ACCSL: variants seen among roughly 807,000 people sequenced by gnomAD.
ACCSL encodes 1-aminocyclopropane-1-carboxylate synthase homolog (inactive) like.
ACCSL carries 55 observed loss-of-function variants against 61.7 expected under a neutral mutation model. The ratio of observed to expected loss-of-function variants is 0.89; its 90% confidence interval spans 0.72 to 1.12. The LOEUF is 1.12. Ranked by LOEUF, ACCSL falls within the 50% of genes most tolerant of loss-of-function variation. The pLI is 0.00. For missense variants in ACCSL, 632 were observed against 698.0 expected, an observed-to-expected ratio of 0.91 and a Z score of 1.07; for synonymous variants, 258 against 264.3, an observed-to-expected ratio of 0.98 and a Z score of 0.23.
chr11:44,005,914 G>A, the ACCSL span, among the ~76,000 whole-genome samples: 1 of 152,200 alleles, frequency 6.6e-6, no homozygotes, highest in African/African-American at 2.4e-5. Context: ...GGACCCAGGT[G>A]TAAACTCCAA....
At chr11:43,989,733 A>T in the ACCSL span, among the ~76,000 whole-genome samples, 1 of 152,156 alleles carries the variant, frequency 6.6e-6, no homozygotes, top group African/African-American at 2.4e-5. Context: ...GAGCTGTCCC[A>T]CCACATCCAG....
the ACCSL span, among the ~76,000 whole-genome samples, chr11:43,927,503 G>A: frequency 1.3e-5 from 2 of 152,236 alleles, no homozygotes; most frequent in African/African-American, 4.8e-5. Context: ...CCTCACAGCA[G>A]CCCATAGACT....
At chr11:43,986,282 C>T in the ACCSL span, among the ~76,000 whole-genome samples, 1 of 151,938 alleles carries the variant, frequency 6.6e-6, no homozygotes, top group Non-Finnish European at 1.5e-5. Context: ...TGTCTCCCTG[C>T]TGTCTTTTTC....
At chr11:43,991,910 C>A in the ACCSL span, among the ~76,000 whole-genome samples, 1 of 152,004 alleles carries the variant, frequency 6.6e-6, no homozygotes, top group Non-Finnish European at 1.5e-5. Flanking sequence ...ACAATTTGGT[C>A]CCTTCATATC....
At chr11:43,972,072 A>G in the ACCSL span, among the ~76,000 whole-genome samples, 2 of 152,214 alleles carry the variant, frequency 1.3e-5, no homozygotes, top group Admixed American at 1.3e-4. Context: ...GGTCTACCTG[A>G]CATACAATGG....
At chr11:44,018,697 C>T in the ACCSL span, among the ~76,000 whole-genome samples, 2 of 152,120 alleles carry the variant, frequency 1.3e-5, no homozygotes, top group East Asian at 3.9e-4. Flanking sequence ...TAAAATTCAC[C>T]TTTTTCATGC....
chr11:44,051,631 G>C, intron 4 of ACCSL, 22 bp from the exon 5 acceptor site: 1 of 1,614,102 alleles, frequency 6.2e-7, no homozygotes, highest in South Asian at 1.1e-5. Context: ...TTTGACTTCT[G>C]CCTCTCATGT....
chr11:43,930,833 GCACA>G, the ACCSL span, among the ~76,000 whole-genome samples: 3 of 151,910 alleles, frequency 2.0e-5, no homozygotes, highest in Non-Finnish European at 2.9e-5. Context: ...ATGCACACAC[GCACA>G]CACACTAAAA....
chr11:43,958,283 G>A, the ACCSL span, among the ~76,000 whole-genome samples: 3 of 152,146 alleles, frequency 2.0e-5, no homozygotes, highest in South Asian at 6.2e-4. Context: ...GTCTTTTCAG[G>A]TTTTTCATTT....
At chr11:44,018,518 G>A in the ACCSL span, among the ~76,000 whole-genome samples, 1 of 152,166 alleles carries the variant, frequency 6.6e-6, no homozygotes, top group Non-Finnish European at 1.5e-5. Flanking sequence ...CCTTCACCTG[G>A]GCAGCCAGAG....
chr11:43,971,893 A>G, the ACCSL span, among the ~76,000 whole-genome samples: 5,183 of 152,242 alleles, frequency 0.034, 315 homozygotes, highest in African/African-American at 0.12. Context: ...GCTCCCTGAC[A>G]GTTAGCTCCT....
the ACCSL span, among the ~76,000 whole-genome samples, chr11:43,955,801 T>C: frequency 6.6e-6 from 1 of 152,024 alleles, no homozygotes; most frequent in African/African-American, 2.4e-5. Flanking sequence ...TTTTTATGTC[T>C]ACACCTTAGC....
At chr11:43,985,336 T>G in the ACCSL span, among the ~76,000 whole-genome samples, 1 of 152,116 alleles carries the variant, frequency 6.6e-6, no homozygotes, top group East Asian at 1.9e-4. Context: ...GGCAGGAAGC[T>G]GGCAGGCAGA....
the ACCSL span, among the ~76,000 whole-genome samples, chr11:43,997,635 G>A: frequency 6.6e-6 from 1 of 152,194 alleles, no homozygotes; most frequent in Non-Finnish European, 1.5e-5. Context: ...AGCTTCACCA[G>A]CCAAGAAATG....
At chr11:43,925,269 AG>A in the ACCSL span, 1 of 420,224 alleles carries the variant, frequency 2.4e-6, no homozygotes, top group East Asian at 7.2e-5. Flanking sequence ...GGACTACTTG[AG>A]AGTAGTCCCT....
At position 44,055,227 on chromosome 11, in the gene ACCSL, G is replaced by A; in HGVS notation, c.1075G>A (p.Glu359Lys). ...GTATAACCTACATGTGATCATAGAT[G>A]AGATTTACATGCTGTCTGTGTTTGA... is the stretch of plus-strand genomic sequence containing the variant. ...KRYNLHVIIDEIYMLSVFDES... is the reference protein window; with the variant it reads ...KRYNLHVIIDKIYMLSVFDES... The change falls in exon 9 of 14, where the codon GAG (glutamate) becomes AAG (lysine). Residue 359 changes from glutamate to lysine, a missense_variant. Transcript: ENST00000378832. 6.2e-7 allele frequency: 1 copy of A among 1,612,010 alleles called. No homozygotes were observed. Among genetic ancestry groups the A allele is most frequent in the Middle Eastern group, 1.7e-4 (1 of 6,058 alleles).
At chr11:44,030,126 G>A in the ACCSL span, among the ~76,000 whole-genome samples, 54 of 113,912 alleles carry the variant, frequency 4.7e-4, no homozygotes, top group South Asian at 0.015. Context: ...CTTAGTGACA[G>A]TGGTGACCTG....
the ACCSL span, among the ~76,000 whole-genome samples, chr11:43,966,347 A>T: frequency 6.6e-6 from 1 of 151,624 alleles, no homozygotes; most frequent in Non-Finnish European, 1.5e-5. Flanking sequence ...AATCACTTAA[A>T]CCTGGGAAGC....
At chr11:43,927,153 A>G in the ACCSL span, among the ~76,000 whole-genome samples, 2 of 152,188 alleles carry the variant, frequency 1.3e-5, no homozygotes, top group East Asian at 1.9e-4. Context: ...GCCTTTTTCT[A>G]CTTAGGTACA....
Sources: allele counts gnomAD v4.1 joint callset (sites outside exome capture counted in the v4.1 genomes callset), GRCh38; gene constraint gnomAD v4.1.1; transcripts MANE v1.5; gene names NCBI Gene and HGNC (gene_info 2026-07-23, HGNC 2026-07-21).